The following ATP13A3 variants were observed in gnomAD, a reference collection of about 807,000 sequenced individuals.
ATP13A3 encodes the protein ATPase 13A3, also known as polyamine-transporting ATPase 13A3.
ATP13A3 carries 59 observed loss-of-function variants against 158.1 expected under a neutral mutation model. The observed-to-expected ratio is 0.37, with a 90% CI of 0.30 to 0.46. The LOEUF is 0.46. Among genes scored for constraint, ATP13A3 ranks in the 20% least tolerant of loss-of-function variants. ATP13A3 has a pLI of 1.00. For missense variants in ATP13A3, 1,166 were observed against 1,525.2 expected (o/e 0.76, Z 3.92); for synonymous variants, 491 against 504.3 (o/e 0.97, Z 0.35).
chr3:194,421,913 G>A (rs1181647464), intron 30 of ATP13A3, among the ~76,000 whole-genome samples: 2 of 136,140 alleles, frequency 1.5e-5, no homozygotes, highest in African/African-American at 3.1e-5. Context: ...AAACAGATTT[G>A]CGACCTGGTT....
At chr3:194,429,294 G>A (rs913447426) in intron 27 of ATP13A3, among the ~76,000 whole-genome samples, 9 of 152,042 alleles carry the variant, frequency 5.9e-5, no homozygotes, top group African/African-American at 1.4e-4. Flanking sequence ...AATATTCAAC[G>A]TTGTAAATTA....
At chr3:194,468,575 AAGATC>A (rs1720139597) in intron 2 of ATP13A3, among the ~76,000 whole-genome samples, 1 of 152,188 alleles carries the variant, frequency 6.6e-6, no homozygotes, top group African/African-American at 2.4e-5. Context: ...TCCTTAAAAC[AAGATC>A]AGTTGTTTTC....
At chr3:194,461,914 T>C (rs559316589) in intron 3 of ATP13A3, among the ~76,000 whole-genome samples, 2 of 152,310 alleles carry the variant, frequency 1.3e-5, no homozygotes, top group South Asian at 4.1e-4. Context: ...TGCAAAAACA[T>C]ACTTCTTCTC....
At chr3:194,416,717 G>A (rs940640428) in intron 31 of ATP13A3, among the ~76,000 whole-genome samples, 14 of 152,086 alleles carry the variant, frequency 9.2e-5, no homozygotes, top group African/African-American at 3.1e-4. Flanking sequence ...ACAAACTGCT[G>A]GGGAGTCAAG....
rs116708673 is a variant in ATP13A3, at chr3:194,477,101, C to T, written c.-47+8693G>A. The stretch of plus-strand genomic sequence containing the variant: ...AGAGCCCTACTGTTCCCTGACTCCA[C>T]TTCTTTATATAGAATATTCCTTCTG... On this transcript the variant is annotated intron_variant, in intron 2 of 33. Coordinates refer to ENST00000645319, the MANE Select transcript of ATP13A3 (RefSeq NM_001367549.1). Among the ~76,000 whole-genome samples, 823 of 152,312 alleles carry T rather than the reference C, an allele frequency of 5.4e-3. 4 individuals carry two copies. Among genetic ancestry groups the T allele is most frequent in the African/African-American group, 0.017 (700 of 41,552 alleles).
intron 8 of ATP13A3, 123 bp downstream of exon 8, chr3:194,455,770 C>T (rs1350813322): frequency 8.9e-6 from 6 of 675,060 alleles, no homozygotes; most frequent in Non-Finnish European, 1.5e-5. Context: ...CTTTACCTTC[C>T]AAGTAAAAAT....
chr3:194,427,526 C>T (rs1042752757), intron 28 of ATP13A3, among the ~76,000 whole-genome samples: 9 of 151,794 alleles, frequency 5.9e-5, no homozygotes, highest in Non-Finnish European at 1.0e-4. Context: ...AGGCCAGGCA[C>T]GGTGGCTCAC....
chr3:194,481,087 G>A (rs1720730109), intron 2 of ATP13A3, among the ~76,000 whole-genome samples: 1 of 152,112 alleles, frequency 6.6e-6, no homozygotes, highest in South Asian at 2.1e-4. Context: ...TGAGAATTTA[G>A]GCCCAAAGGC....
intron 29 of ATP13A3, among the ~76,000 whole-genome samples, chr3:194,426,742 C>T (rs887526274): frequency 6.6e-6 from 1 of 152,202 alleles, no homozygotes; most frequent in Non-Finnish European, 1.5e-5. Context: ...CTCACTGCAA[C>T]CTCTGCCTCC....
chr3:194,459,135 G>A (rs1719457047), intron 6 of ATP13A3: 1 of 207,784 alleles, frequency 4.8e-6, no homozygotes, highest in Non-Finnish European at 9.6e-6. Context: ...TAAACCAACA[G>A]GTAATGATTC....
Position 194,459,909 on chromosome 3 carries a change from A to C in ATP13A3, c.288T>G (p.Val96=), listed in dbSNP as rs767917261. The C allele has an allele frequency of 1.2e-6, 2 of 1,613,494 alleles. No individual in the cohort carries two copies. Among genetic ancestry groups the C allele is most frequent in the Non-Finnish European group, 1.7e-6 (2 of 1,179,662 alleles). Residue 96 remains valine, a synonymous_variant, in exon 5 of 34, where the codon GTT becomes GTG. Coordinates refer to ENST00000645319, the MANE Select transcript of ATP13A3 (RefSeq NM_001367549.1). The stretch of plus-strand genomic sequence containing the variant: ...TATTAGACATAGATTTTGGACTTGA[A>C]ACTGGGTAAGTTTCCAAAGAAAGAA... ...IRVLSLETYP[V]SSPKSMSNKL...
chr3:194,437,689 T>TA, intron 17 of ATP13A3, 116 bp from the exon 18 acceptor site: 1 of 1,108,376 alleles, frequency 9.0e-7, no homozygotes, highest in Non-Finnish European at 1.3e-6. Context: ...AACAAGCAAC[T>TA]GTTTTTCAAA....
At chr3:194,445,871 G>A (rs993367926) in intron 14 of ATP13A3, among the ~76,000 whole-genome samples, 1 of 152,094 alleles carries the variant, frequency 6.6e-6, no homozygotes, top group South Asian at 2.1e-4. Flanking sequence ...TAAGAGGCAA[G>A]ATATACTTCA....
Position 194,429,709 on chromosome 3 carries a change from A to G in ATP13A3, c.2843T>C (p.Ile948Thr), listed in dbSNP as rs1717079471. The change falls in exon 27 of 34, where the codon ATC (isoleucine) becomes ACC (threonine). Residue 948 changes from isoleucine (I) to threonine (T), a missense_variant. Around this residue, in one of 3 missense-constraint regions of ATP13A3, gnomAD observed 997 missense variants for 1,341.2 expected, o/e 0.74. Transcript: ENST00000645319. ...VFKFMALYSIIQYFSVTLLYS... is the reference protein window; with the variant it reads ...VFKFMALYSITQYFSVTLLYS... Reference sequence around the variant, plus strand: ...CAGCAGAGTAACACTGAAGTACTGGATAATGCTGTACAATGCCATGAATTT... The same window carrying G: ...CAGCAGAGTAACACTGAAGTACTGGGTAATGCTGTACAATGCCATGAATTT... 1 of 1,613,642 alleles carries G rather than the reference A, an allele frequency of 6.2e-7. No individual in the cohort carries two copies. The highest frequency in any genetic ancestry group is 1.7e-5 in the Admixed American group (1 of 59,994).
chr3:194,493,940 G>A (rs1393635273), intron 2 of ATP13A3: 1 of 381,706 alleles, frequency 2.6e-6, no homozygotes, highest in Non-Finnish European at 4.6e-6. Flanking sequence ...ACAGATTGAG[G>A]AAAGCTTATT....
intron 2 of ATP13A3, among the ~76,000 whole-genome samples, chr3:194,467,167 T>C (rs1284448878): frequency 1.3e-5 from 2 of 152,242 alleles, no homozygotes; most frequent in African/African-American, 2.4e-5. Flanking sequence ...TTTATAACTT[T>C]AGAAAGGAAC....
intron 17 of ATP13A3, 101 bp downstream of exon 17, chr3:194,438,755 A>G: frequency 1.4e-6 from 1 of 715,458 alleles, no homozygotes; most frequent in Admixed American, 3.7e-5. Flanking sequence ...CCTGGGCAAC[A>G]TAGCAAGACC....
intron 8 of ATP13A3, among the ~76,000 whole-genome samples, chr3:194,455,183 T>G (rs1254981032): frequency 6.6e-6 from 1 of 152,170 alleles, no homozygotes; most frequent in Non-Finnish European, 1.5e-5. Context: ...GTTATGTTAC[T>G]TTGCTTTCTC....
chr3:194,463,289 C>CTT lies in ATP13A3; in HGVS notation c.-46-1055_-46-1054dup, dbSNP rs34171479. Among the ~76,000 whole-genome samples the CTT allele has an allele frequency of 6.5e-3, 903 of 138,098 alleles. 13 individuals are homozygous for CTT. The highest frequency in any genetic ancestry group is 0.022 in the African/African-American group (848 of 38,194). 90.6% of individuals were successfully genotyped at this position (138,098 alleles called of 152,430 possible). On this transcript the variant is annotated intron_variant, in intron 2 of 33. Coordinates refer to ENST00000645319, the MANE Select transcript of ATP13A3 (RefSeq NM_001367549.1). The stretch of plus-strand genomic sequence containing the variant: ...CATTGAGCCCACTGACATATTTTTC[C>CTT]TTTTTTTTTTTTTTTGTATTTCAAA...
Sources: allele counts gnomAD v4.1 joint callset (sites outside exome capture counted in the v4.1 genomes callset), GRCh38; gene constraint gnomAD v4.1.1; regional missense constraint gnomAD v4.1.1; transcripts MANE v1.5; gene names NCBI Gene and HGNC (gene_info 2026-07-23, HGNC 2026-07-21).